PKD2: variants seen among roughly 807,000 people sequenced by gnomAD.
PKD2 encodes the protein polycystin 2, transient receptor potential cation channel, also known as polycystin-2.
A neutral mutation model predicts 105.9 loss-of-function variants in PKD2; 48 were observed. The ratio of observed to expected loss-of-function variants is 0.45; its 90% CI spans 0.36 to 0.58. The LOEUF is 0.58. PKD2 is among the 20% of genes least tolerant of loss of function. PKD2 has a pLI of 0.00. For synonymous variants in PKD2, 464 were observed against 481.1 expected, an observed-to-expected ratio of 0.96 and a Z score of 0.46; for missense variants, 1,078 against 1,255.3, an observed-to-expected ratio of 0.86 and a Z score of 2.13.
chr4:88,067,865 C>G (rs370304720), intron 12 of PKD2, 33 bp from the exon 13 acceptor site: 21 of 1,604,036 alleles, frequency 1.3e-5, no homozygotes, highest in Non-Finnish European at 1.6e-5. Context: ...TCTCAGTGTT[C>G]TGCTCCTCAC....
rs192342290 is a variant in PKD2, at chr4:88,076,078, T to C, written c.*384T>C. 361 of 229,772 alleles carry C rather than the reference T, an allele frequency of 1.6e-3. No individual in the cohort carries two copies. Among genetic ancestry groups the C allele is most frequent in the African/African-American group, 7.6e-3 (329 of 43,082 alleles). 14.2% of individuals were successfully genotyped at this position (229,772 alleles called of 1,614,324 possible). A position where few individuals can be genotyped will look rare whatever the true frequency, so the allele number is the denominator to read the frequency against. ...CACAAAAATCAGTATTGTTATTTTT[T>C]TCCAAGAGTGTGAAGGAAAATGGGG... On this transcript the variant is annotated 3_prime_UTR_variant, in exon 15 of 15. Coordinates refer to ENST00000237596, the MANE Select transcript of PKD2 (RefSeq NM_000297.4).
At chr4:88,049,394 A>G (rs188843350) in intron 6 of PKD2, among the ~76,000 whole-genome samples, 123 of 152,360 alleles carry the variant, frequency 8.1e-4, no homozygotes, top group Admixed American at 3.6e-3. Flanking sequence ...CAATGATATC[A>G]TGGAAATTGT....
rs141670360 is a variant in PKD2 at position 88,075,301 on chromosome 4, G to T, written c.2671-157G>T. On this transcript the variant is annotated intron_variant, in intron 14 of 14. Transcript: ENST00000237596. ...GCTAATGGTCCTGCCTTCACTGCAG[G>T]GTAGAATTAAGTGAAAAATTACTCC... Among the ~76,000 whole-genome samples, 181 of 152,190 alleles carry T rather than the reference G, an allele frequency of 1.2e-3. 1 individual carries two copies. The highest frequency in any genetic ancestry group is 3.9e-3 in the African/African-American group (164 of 41,532).
chr4:88,043,760 A>G (rs1302230536), intron 5 of PKD2, among the ~76,000 whole-genome samples: 2 of 152,176 alleles, frequency 1.3e-5, no homozygotes, highest in African/African-American at 4.8e-5. Context: ...TTTACCCATT[A>G]TAAGGATGGT....
intron 12 of PKD2, 111 bp downstream of exon 12, chr4:88,065,990 A>ACT (rs144763357): frequency 6.0e-5 from 44 of 735,566 alleles, no homozygotes; most frequent in Middle Eastern, 2.3e-4. Flanking sequence ...TCCCCACCAC[A>ACT]CTCTCTCTCT....
intron 2 of PKD2, among the ~76,000 whole-genome samples, chr4:88,030,324 A>G (rs1035968775): frequency 6.6e-6 from 1 of 151,982 alleles, no homozygotes; most frequent in Non-Finnish European, 1.5e-5. Context: ...TGTTGTAGAA[A>G]TGAGGTCTCA....
chr4:88,049,709 G>A (rs1719969197), intron 6 of PKD2, among the ~76,000 whole-genome samples: 2 of 151,970 alleles, frequency 1.3e-5, no homozygotes, highest in African/African-American at 4.8e-5. Context: ...GCCAAAATTT[G>A]CTTATGCTTA....
At chr4:88,056,817 G>A (rs567493574) in intron 8 of PKD2, among the ~76,000 whole-genome samples, 1 of 152,224 alleles carries the variant, frequency 6.6e-6, no homozygotes, top group South Asian at 2.1e-4. Flanking sequence ...AAGTAATAGG[G>A]TTTTGTGCAT....
intron 11 of PKD2, 69 bp from the exon 12 acceptor site, chr4:88,065,693 A>G: frequency 3.2e-6 from 4 of 1,260,788 alleles, no homozygotes; most frequent in Non-Finnish European, 4.7e-6. Flanking sequence ...CTGCATTTTG[A>G]TGTCTCTGTG....
At position 88,075,580 on chromosome 4, in the gene PKD2, G is replaced by A. The variant is rs764389764; in HGVS notation, c.2793G>A (p.Thr931=). Reference sequence around the variant, plus strand: ...CCCAGATCAGTCATGGTTTAGGCACGCCAGTGGGACTAAATGGTCAACCTC... The same window carrying A: ...CCCAGATCAGTCATGGTTTAGGCACACCAGTGGGACTAAATGGTCAACCTC... ...AASQISHGLG[T]PVGLNGQPRP... The change falls in exon 15 of 15, where the codon ACG becomes ACA. Residue 931 remains threonine (T), a synonymous_variant. Coordinates refer to ENST00000237596, the MANE Select transcript of PKD2 (RefSeq NM_000297.4). The A allele has an allele frequency of 2.7e-5, 43 of 1,613,936 alleles. No homozygotes were observed. The highest frequency in any genetic ancestry group is 6.7e-5 in the African/African-American group (5 of 74,928).
At chr4:88,048,629 T>C (rs1164130368) in intron 6 of PKD2, among the ~76,000 whole-genome samples, 1 of 152,190 alleles carries the variant, frequency 6.6e-6, no homozygotes, top group African/African-American at 2.4e-5. Context: ...CATGGATATG[T>C]GCACTTTAGA....
At chr4:88,012,516 G>C (rs1287509864) in intron 1 of PKD2, among the ~76,000 whole-genome samples, 2 of 152,064 alleles carry the variant, frequency 1.3e-5, no homozygotes, top group Non-Finnish European at 2.9e-5. Context: ...TTGATCTAGG[G>C]AGTGGGAGAG....
intron 9 of PKD2, 120 bp downstream of exon 9, chr4:88,058,223 G>A: frequency 1.4e-6 from 1 of 702,532 alleles, no homozygotes; most frequent in Non-Finnish European, 2.5e-6. Flanking sequence ...GTAGAAAAAA[G>A]TGTGGATGTT....
intron 11 of PKD2, 45 bp from the exon 12 acceptor site, chr4:88,065,717 G>T: frequency 7.1e-7 from 1 of 1,409,654 alleles, no homozygotes; most frequent in South Asian, 1.2e-5. Flanking sequence ...AGGGTGAACT[G>T]GGTACAAGGA....
rs1485588385 is a variant in PKD2 at position 88,038,440 on chromosome 4, T to C, written c.1033T>C (p.Tyr345His). Residue 345 changes from tyrosine (Y) to histidine (H), a missense_variant, in exon 4 of 15, where the codon TAT becomes CAT. By Grantham distance (83) the Tyr-to-His change is moderately conservative. Around this residue, in one of 2 missense-constraint regions of PKD2, gnomAD observed 868 missense variants for 1,067.3 expected, o/e 0.81. Coordinates refer to ENST00000237596, the MANE Select transcript of PKD2 (RefSeq NM_000297.4). ...QDLRDEIKEC[Y>H]DVYSVSSEDR... ...CTTGAGAGATGAAATTAAAGAGTGC[T>C]ATGATGTCTACTCTGTCAGTAGTGA... The C allele has an allele frequency of 6.2e-7, 1 of 1,613,002 alleles. No individual in the cohort carries two copies. Among genetic ancestry groups the C allele is most frequent in the African/African-American group, 1.3e-5 (1 of 75,016 alleles).
At position 88,076,950 on chromosome 4, in the gene PKD2, T is replaced by C. The variant is rs1412819289; in HGVS notation, c.*1256T>C. 1 of 152,188 alleles carries C rather than the reference T, an allele frequency of 6.6e-6. No homozygotes were observed. The highest frequency in any genetic ancestry group is 2.4e-5 in the African/African-American group (1 of 41,450). The allele number at this position is 152,188 out of a possible 1,614,324, so 9.4% of individuals were successfully genotyped here. A position where few individuals can be genotyped will look rare whatever the true frequency, so the allele number is the denominator to read the frequency against. On this transcript the variant is annotated 3_prime_UTR_variant, in exon 15 of 15. Transcript: ENST00000237596. The stretch of plus-strand genomic sequence containing the variant: ...GTTTTGGTATTAAAAGTTCATACAT[T>C]AGACAGTATCAGCCAAAATTTGAGT...
At chr4:88,040,302 C>T (rs137907241) in intron 4 of PKD2, among the ~76,000 whole-genome samples, 1 of 152,118 alleles carries the variant, frequency 6.6e-6, no homozygotes, top group Non-Finnish European at 1.5e-5. Flanking sequence ...TCTCAGCTCC[C>T]CATCAGTACT....
intron 2 of PKD2, among the ~76,000 whole-genome samples, chr4:88,033,818 A>C (rs1407061724): frequency 6.6e-6 from 1 of 152,198 alleles, no homozygotes; most frequent in Non-Finnish European, 1.5e-5. Context: ...GAAAATAATC[A>C]ACTTAATCAT....
intron 5 of PKD2, among the ~76,000 whole-genome samples, chr4:88,045,891 G>A (rs1371591758): frequency 6.6e-6 from 1 of 152,172 alleles, no homozygotes; most frequent in Non-Finnish European, 1.5e-5. Flanking sequence ...CTTTATATAT[G>A]TACAAAATAT....
Sources: gnomAD v4.1 joint callset for allele counts (sites outside exome capture counted in the v4.1 genomes callset) on GRCh38, gnomAD v4.1.1 for gene constraint, gnomAD v4.1.1 regional missense constraint, MANE v1.5 for transcripts, NCBI Gene and HGNC (gene_info 2026-07-23, HGNC 2026-07-21) for gene names.